Variants in ANO1 observed in about 807,000 individuals in gnomAD.
ANO1 encodes the protein anoctamin 1.
Under a neutral mutation model 124.0 loss-of-function variants are expected in ANO1, and 59 were observed. The ratio of observed to expected loss-of-function variants is 0.48; its 90% CI spans 0.39 to 0.59. The LOEUF is 0.59. ANO1 is among the 20% of genes least tolerant of loss of function. The probability of loss-of-function intolerance (pLI) is 0.00; values close to 1 mark genes in which losing one functional copy is unlikely to be tolerated. For synonymous variants in ANO1, 529 were observed against 532.0 expected, an observed-to-expected ratio of 0.99 and a Z score of 0.08; for missense variants, 1,059 against 1,328.0, an observed-to-expected ratio of 0.80 and a Z score of 3.15.
chr11:70,132,221 G>A (rs1256921655), intron 11 of ANO1, 142 bp downstream of exon 11: 27 of 1,165,876 alleles, frequency 2.3e-5, no homozygotes, highest in Non-Finnish European at 3.1e-5. Context: ...TGGTGGAAAC[G>A]ACCCCTGTTT....
At chr11:70,092,317 A>G (rs1430504053) in intron 2 of ANO1, among the ~76,000 whole-genome samples, 1 of 152,212 alleles carries the variant, frequency 6.6e-6, no homozygotes, top group Non-Finnish European at 1.5e-5. Flanking sequence ...AGGAGTTAGG[A>G]CTTGAACATA....
At chr11:70,043,693 C>T (rs762172893) in intron 1 of ANO1, among the ~76,000 whole-genome samples, 13 of 152,160 alleles carry the variant, frequency 8.5e-5, no homozygotes, top group East Asian at 5.8e-4. Flanking sequence ...AGAAACAGAA[C>T]GCCAACCTAG....
chr11:70,128,432 C>T (rs1340713420), intron 10 of ANO1, among the ~76,000 whole-genome samples: 1 of 152,214 alleles, frequency 6.6e-6, no homozygotes, highest in Non-Finnish European at 1.5e-5. Context: ...GCCTGGGGGA[C>T]CTCCATCTTC....
intron 2 of ANO1, among the ~76,000 whole-genome samples, chr11:70,100,259 G>C (rs991656332): frequency 6.6e-6 from 1 of 152,186 alleles, no homozygotes; most frequent in Non-Finnish European, 1.5e-5. Flanking sequence ...GGTGGCCCCC[G>C]ATCCACATGC....
chr11:70,032,058 C>T lies in ANO1; in HGVS notation c.58+45892C>T, dbSNP rs115741812. Reference sequence around the variant, plus strand: ...GGGTGCCAGACACTCAGGGAGAGGACAGACGTGGCCCCTGCCCATGAAGCT... The same window carrying T: ...GGGTGCCAGACACTCAGGGAGAGGATAGACGTGGCCCCTGCCCATGAAGCT... On this transcript the variant is annotated intron_variant, in intron 1 of 27. Transcript: ENST00000531349. Among the ~76,000 whole-genome samples the T allele has an allele frequency of 7.9e-5, 12 of 152,286 alleles. No homozygotes were observed. The South Asian group carries it at 8.3e-4, about 11-fold the overall frequency.
chr11:70,006,205 A>G (rs1376356301), intron 1 of ANO1, among the ~76,000 whole-genome samples: 5 of 152,198 alleles, frequency 3.3e-5, no homozygotes, highest in African/African-American at 1.2e-4. Flanking sequence ...CATGTTGTCC[A>G]GTGAGCAGGA....
chr11:70,002,496 G>A (rs4980574), intron 1 of ANO1, among the ~76,000 whole-genome samples: 6 of 148,062 alleles, frequency 4.1e-5, no homozygotes, highest in African/African-American at 7.5e-5. Context: ...AAACACTTAC[G>A]ATTATGTTGC....
chr11:70,068,035 C>T (rs962940700), intron 1 of ANO1, among the ~76,000 whole-genome samples: 21 of 152,312 alleles, frequency 1.4e-4, no homozygotes, highest in African/African-American at 3.1e-4. Flanking sequence ...GGAGGGGACA[C>T]GCTCCTGCCA....
intron 2 of ANO1, among the ~76,000 whole-genome samples, chr11:70,100,284 A>G (rs547377913): frequency 3.3e-5 from 5 of 152,310 alleles, no homozygotes; most frequent in African/African-American, 1.2e-4. Flanking sequence ...GGAGCCTGCG[A>G]ACGTGGCCTT....
chr11:70,027,691 G>A (rs1856932558), intron 1 of ANO1, among the ~76,000 whole-genome samples: 1 of 152,222 alleles, frequency 6.6e-6, no homozygotes, highest in Non-Finnish European at 1.5e-5. Context: ...TGACAGTCAG[G>A]TCTGGGCAGG....
intron 11 of ANO1, among the ~76,000 whole-genome samples, chr11:70,140,514 AG>A (rs1231923092): frequency 6.6e-6 from 1 of 151,978 alleles, no homozygotes; most frequent in Non-Finnish European, 1.5e-5. Context: ...CTGGGTGACA[AG>A]AGCAAGACTC....
chr11:70,121,695 CTCTG>C (rs531958053), intron 8 of ANO1, among the ~76,000 whole-genome samples: 19 of 148,722 alleles, frequency 1.3e-4, no homozygotes, highest in East Asian at 8.2e-4. Flanking sequence ...CCCCACCTCT[CTCTG>C]TCTGTCTCTC....
At chr11:70,175,965 T>C (rs1419274090) in intron 22 of ANO1, among the ~76,000 whole-genome samples, 3 of 152,096 alleles carry the variant, frequency 2.0e-5, no homozygotes, top group Non-Finnish European at 4.4e-5. Flanking sequence ...GAGCCATGAG[T>C]GACCATGGCC....
intron 1 of ANO1, among the ~76,000 whole-genome samples, chr11:70,062,770 A>G (rs1388556672): frequency 2.0e-5 from 3 of 152,226 alleles, no homozygotes; most frequent in Non-Finnish European, 2.9e-5. Context: ...AGCGGGAAGT[A>G]CTAGAATGTG....
the ANO1 span, among the ~76,000 whole-genome samples, chr11:69,979,845 G>A: frequency 2.0e-5 from 3 of 152,248 alleles, no homozygotes; most frequent in East Asian, 1.9e-4. Flanking sequence ...TCTGTCTTTC[G>A]GGGATGTCAT....
intron 8 of ANO1, among the ~76,000 whole-genome samples, chr11:70,121,231 G>T (rs1216734766): frequency 6.8e-6 from 1 of 147,790 alleles, no homozygotes; most frequent in Non-Finnish European, 1.5e-5. Flanking sequence ...CTCTATCTCT[G>T]TCTCTCCATC....
At chr11:70,028,086 A>G (rs1856940985) in intron 1 of ANO1, among the ~76,000 whole-genome samples, 1 of 150,006 alleles carries the variant, frequency 6.7e-6, no homozygotes, top group Non-Finnish European at 1.5e-5. Flanking sequence ...CCCTCAGAAG[A>G]AATAGATCCG....
At chr11:70,182,413 G>C in intron 23 of ANO1, 89 bp from the exon 24 acceptor site, 1 of 1,156,034 alleles carries the variant, frequency 8.7e-7, no homozygotes, top group Non-Finnish European at 1.2e-6. Flanking sequence ...CCAGGGTCCA[G>C]TGTAACTGTG....
intron 1 of ANO1, among the ~76,000 whole-genome samples, chr11:70,006,652 CTTTCTTCTTTCT>C (rs1856493055): frequency 8.9e-6 from 1 of 111,834 alleles, no homozygotes; most frequent in Non-Finnish European, 1.8e-5. Context: ...TTCTTTCTTT[CTTTCTTCTTTCT>C]TTTTTTTTTT....
Sources: allele counts gnomAD v4.1 joint callset (sites outside exome capture counted in the v4.1 genomes callset), GRCh38; gene constraint gnomAD v4.1.1; transcripts MANE v1.5; gene names NCBI Gene and HGNC (gene_info 2026-07-23, HGNC 2026-07-21).